Variants in SYTL2 observed in about 807,000 individuals in gnomAD.
The protein encoded by SYTL2 is synaptotagmin-like protein 2.
SYTL2 carries 165 observed loss-of-function variants against 198.7 expected under a neutral mutation model. That is an observed-to-expected ratio of 0.83 (90% CI 0.73 to 0.94). The LOEUF is 0.94. Among genes scored for constraint, SYTL2 ranks in the 40% least tolerant of loss-of-function variants. The pLI is 0.00. For synonymous variants in SYTL2, 966 were observed against 917.7 expected (o/e 1.05, Z -0.95); for missense variants, 2,835 against 2,582.8 (o/e 1.10, Z -2.12).
the SYTL2 span, among the ~76,000 whole-genome samples, chr11:85,835,242 T>TATAC: frequency 6.6e-6 from 1 of 152,346 alleles, no homozygotes; most frequent in East Asian, 1.9e-4. Flanking sequence ...GCTTATTAAA[T>TATAC]ATACCATTCC....
chr11:85,845,865 A>C, the SYTL2 span, among the ~76,000 whole-genome samples: 30 of 152,240 alleles, frequency 2.0e-4, 1 homozygote, highest in Middle Eastern at 6.8e-3. Flanking sequence ...GCAGTGAGCC[A>C]AGATCGTGCC....
At chr11:85,768,712 C>T (rs940592523) in intron 1 of SYTL2, among the ~76,000 whole-genome samples, 2 of 152,198 alleles carry the variant, frequency 1.3e-5, no homozygotes, top group Admixed American at 6.5e-5. Flanking sequence ...AGCACACACA[C>T]TCCCACCCCC....
At chr11:85,761,728 G>A (rs749200988) in intron 1 of SYTL2, among the ~76,000 whole-genome samples, 20 of 152,112 alleles carry the variant, frequency 1.3e-4, no homozygotes, top group Non-Finnish European at 2.4e-4. Context: ...ACACAATCTC[G>A]GCTCACTGCA....
At chr11:85,754,569 A>G (rs1339672994) in intron 2 of SYTL2, among the ~76,000 whole-genome samples, 2 of 152,362 alleles carry the variant, frequency 1.3e-5, no homozygotes, top group East Asian at 1.9e-4. Context: ...TTTGATATAC[A>G]TAACATATAG....
intron 1 of SYTL2, among the ~76,000 whole-genome samples, chr11:85,766,374 C>G (rs570094500): frequency 6.6e-6 from 1 of 152,284 alleles, no homozygotes; most frequent in Non-Finnish European, 1.5e-5. Flanking sequence ...TTTTAAACTT[C>G]ATACCTGAGC....
intron 1 of SYTL2, among the ~76,000 whole-genome samples, chr11:85,809,104 C>G (rs959815137): frequency 5.3e-5 from 8 of 152,184 alleles, no homozygotes; most frequent in African/African-American, 1.9e-4. Flanking sequence ...CACATTTCTA[C>G]AAGGCAGCAG....
the SYTL2 span, among the ~76,000 whole-genome samples, chr11:85,829,106 AG>A: frequency 1.3e-5 from 2 of 151,830 alleles, no homozygotes; most frequent in Non-Finnish European, 2.9e-5. Flanking sequence ...TTATAGATTA[AG>A]GGGTAAATGT....
chr11:85,847,683 T>A, the SYTL2 span, among the ~76,000 whole-genome samples: 2 of 152,312 alleles, frequency 1.3e-5, no homozygotes, highest in Admixed American at 1.3e-4. Context: ...TGTAGTAGTA[T>A]CTCACTGTGG....
At chr11:85,779,956 GC>G (rs889249733) in intron 1 of SYTL2, among the ~76,000 whole-genome samples, 1 of 152,148 alleles carries the variant, frequency 6.6e-6, no homozygotes, top group Non-Finnish European at 1.5e-5. Context: ...GTGATGCTGG[GC>G]AAGTCACTTA....
At chr11:85,710,841 G>A (rs1239710037) in intron 13 of SYTL2, among the ~76,000 whole-genome samples, 1 of 151,972 alleles carries the variant, frequency 6.6e-6, no homozygotes, top group African/African-American at 2.4e-5. Context: ...AAAATTTAGT[G>A]GTTCATCTTC....
chr11:85,780,454 G>C (rs568114103), intron 1 of SYTL2, among the ~76,000 whole-genome samples: 1 of 152,306 alleles, frequency 6.6e-6, no homozygotes, highest in East Asian at 1.9e-4. Context: ...TCAGTCCAAA[G>C]CCCCAGTCTC....
At chr11:85,712,740 A>G (rs1010974057) in intron 12 of SYTL2, among the ~76,000 whole-genome samples, 5 of 151,752 alleles carry the variant, frequency 3.3e-5, no homozygotes, top group African/African-American at 1.2e-4. Flanking sequence ...TTTTTCAATT[A>G]GAGTCTCACT....
intron 17 of SYTL2, 65 bp from the exon 18 acceptor site, chr11:85,698,143 G>A: frequency 9.4e-7 from 1 of 1,061,022 alleles, no homozygotes. Context: ...TGCGTCCAAA[G>A]ATGTCAGCCT....
intron 1 of SYTL2, among the ~76,000 whole-genome samples, chr11:85,788,599 C>T (rs11604178): frequency 0.23 from 34,228 of 151,918 alleles, 4,316 homozygotes; most frequent in South Asian, 0.34. Context: ...TTCTGGGTTC[C>T]AGAGACCCTT....
At chr11:85,848,002 G>A in the SYTL2 span, among the ~76,000 whole-genome samples, 118 of 152,240 alleles carry the variant, frequency 7.8e-4, no homozygotes, top group Non-Finnish European at 1.3e-3. Context: ...TAAGGCGGGA[G>A]AATCGCCTCA....
chr11:85,827,305 A>C, the SYTL2 span, among the ~76,000 whole-genome samples: 1 of 152,186 alleles, frequency 6.6e-6, no homozygotes, highest in Non-Finnish European at 1.5e-5. Context: ...GCAGTTGGGA[A>C]GCACTGCTCT....
chr11:85,724,049 C>G lies in SYTL2; in HGVS notation c.5309G>C (p.Ser1770Thr). 1 of 1,495,142 alleles carries G rather than the reference C, an allele frequency of 6.7e-7. No homozygotes were observed. The allele number at this position is 1,495,142 out of a possible 1,614,324, so 92.6% of individuals were successfully genotyped here. Residue 1770 changes from serine (S) to threonine (T), a missense_variant, in exon 8 of 20, where the codon AGC becomes ACC. Physicochemically the swap from Ser to Thr is moderately conservative, Grantham distance 58. Coordinates refer to ENST00000359152, the MANE Select transcript of SYTL2 (RefSeq NM_206927.4). ...ATGCTCACTGGAAGGATTTCTCCAG[C>G]TCTCTGCATTAGAACTGGTGTTTCC... ...SDGNTSSNAE[S>T]WRNPSSSEEE...
chr11:85,800,728 T>A (rs867945624), intron 1 of SYTL2, among the ~76,000 whole-genome samples: 2 of 152,248 alleles, frequency 1.3e-5, no homozygotes, highest in Middle Eastern at 3.4e-3. Flanking sequence ...CCTCACTTCC[T>A]CACACACCAA....
At chr11:85,763,847 C>T (rs907477746) in intron 1 of SYTL2, among the ~76,000 whole-genome samples, 2 of 152,200 alleles carry the variant, frequency 1.3e-5, no homozygotes, top group African/African-American at 4.8e-5. Context: ...AAACTAAATG[C>T]TTTGTAAACT....
Sources: allele counts gnomAD v4.1 joint callset (sites outside exome capture counted in the v4.1 genomes callset), GRCh38; gene constraint gnomAD v4.1.1; transcripts MANE v1.5; gene names NCBI Gene and HGNC (gene_info 2026-07-23, HGNC 2026-07-21).